NRG1: variants seen among roughly 807,000 people sequenced by gnomAD.
The protein encoded by NRG1 is neuregulin 1.
A neutral mutation model predicts 63.8 loss-of-function variants in NRG1; 18 were observed. The ratio of observed to expected loss-of-function variants is 0.28; its 90% CI spans 0.19 to 0.42. NRG1 has a LOEUF of 0.42. Among genes scored for constraint, NRG1 ranks in the 10% least tolerant of loss-of-function variants. The pLI, the probability that NRG1 is intolerant of heterozygous loss-of-function variation, is 1.00. For synonymous variants in NRG1, 302 were observed against 301.3 expected (o/e 1.00, Z -0.02); for missense variants, 762 against 814.7 (o/e 0.94, Z 0.79).
At chr8:32,384,838 A>T (rs7827584) in intron 1 of NRG1, among the ~76,000 whole-genome samples, 1 of 152,126 alleles carries the variant, frequency 6.6e-6, no homozygotes, top group African/African-American at 2.4e-5. Context: ...TTTCAAAAAG[A>T]TCCTTGATTT....
chr8:31,708,758 T>C (rs1389159778), intron 1 of NRG1, among the ~76,000 whole-genome samples: 2 of 152,326 alleles, frequency 1.3e-5, no homozygotes, highest in Non-Finnish European at 2.9e-5. Context: ...ATAATTGTTT[T>C]TAAAGCCATT....
At chr8:32,026,255 A>G (rs1817359861) in intron 1 of NRG1, 1 of 151,770 alleles carries the variant, frequency 6.6e-6, no homozygotes, top group Non-Finnish European at 1.5e-5. Flanking sequence ...CCAGTTGACT[A>G]CTACCGGTAA....
At chr8:32,294,039 G>A (rs963672063) in intron 1 of NRG1, among the ~76,000 whole-genome samples, 3 of 151,768 alleles carry the variant, frequency 2.0e-5, no homozygotes, top group Admixed American at 1.3e-4. Flanking sequence ...ATTTCTTGAC[G>A]GCCATCCATG....
intron 1 of NRG1, among the ~76,000 whole-genome samples, chr8:31,864,140 G>A (rs1001270224): frequency 1.3e-5 from 2 of 152,156 alleles, no homozygotes; most frequent in African/African-American, 4.8e-5. Flanking sequence ...AGGAAGCTGA[G>A]GACCATAGTG....
At chr8:32,330,524 C>T (rs1264348327) in intron 1 of NRG1, among the ~76,000 whole-genome samples, 1 of 152,166 alleles carries the variant, frequency 6.6e-6, no homozygotes, top group African/African-American at 2.4e-5. Context: ...CCAGAGTCCT[C>T]AGCAGATCCT....
chr8:32,515,628 A>T (rs1829748048), intron 1 of NRG1, among the ~76,000 whole-genome samples: 1 of 152,046 alleles, frequency 6.6e-6, no homozygotes, highest in Admixed American at 6.6e-5. Context: ...AATTGTAGAA[A>T]CAAGGACACA....
chr8:31,706,888 T>A (rs565572840), intron 1 of NRG1, among the ~76,000 whole-genome samples: 35 of 152,306 alleles, frequency 2.3e-4, no homozygotes, highest in African/African-American at 7.9e-4. Flanking sequence ...TTATTGTTGA[T>A]CTTTTTATTA....
chr8:32,049,696 A>G (rs1821664840), intron 1 of NRG1, among the ~76,000 whole-genome samples: 1 of 152,170 alleles, frequency 6.6e-6, no homozygotes, highest in African/African-American at 2.4e-5. Context: ...ATCAGAGGAA[A>G]CAAATTTAAG....
At chr8:32,112,551 T>A (rs16878845) in intron 1 of NRG1, among the ~76,000 whole-genome samples, 5,734 of 152,290 alleles carry the variant, frequency 0.038, 186 homozygotes, top group African/African-American at 0.087. Context: ...AGTGTTTCAT[T>A]CTTGATAGTG....
intron 1 of NRG1, among the ~76,000 whole-genome samples, chr8:32,047,007 A>G (rs949887118): frequency 6.6e-6 from 1 of 152,084 alleles, no homozygotes; most frequent in African/African-American, 2.4e-5. Context: ...CAGGCAATGA[A>G]TGGCTTCCAT....
intron 1 of NRG1, among the ~76,000 whole-genome samples, chr8:32,097,010 C>T (rs561731124): frequency 6.6e-6 from 1 of 152,266 alleles, no homozygotes; most frequent in Admixed American, 6.5e-5. Flanking sequence ...CTCCCTCATC[C>T]TTCCCTGCCT....
chr8:32,117,113 G>T (rs933579386), intron 1 of NRG1, among the ~76,000 whole-genome samples: 2 of 151,916 alleles, frequency 1.3e-5, no homozygotes, highest in African/African-American at 4.8e-5. Flanking sequence ...TTGCACTCCA[G>T]CCTAGGCAAC....
intron 1 of NRG1, among the ~76,000 whole-genome samples, chr8:31,723,118 T>C (rs1389966791): frequency 2.6e-5 from 4 of 152,194 alleles, no homozygotes; most frequent in Non-Finnish European, 4.4e-5. Flanking sequence ...CTTGATCTTA[T>C]AAAATAAATA....
Position 32,533,105 on chromosome 8 carries a change from A to G in NRG1, c.38-62723A>G, listed in dbSNP as rs1396927674. Among the ~76,000 whole-genome samples, 4 of 152,078 alleles carry G rather than the reference A, an allele frequency of 2.6e-5. No homozygotes were observed. In the East Asian group the frequency reaches 7.7e-4, roughly 29 times the overall value. On this transcript the variant is annotated intron_variant, in intron 1 of 10. Coordinates refer to the NRG1 transcript ENST00000519301. The stretch of plus-strand genomic sequence containing the variant: ...TCTTTATCTTTCATAATTACGGTCC[A>G]TAACACTTGGAGTAACAACATGTTT...
In NRG1 at chr8:32,082,093, A is replaced by G. The variant is rs76159902; in HGVS notation, c.37+442662A>G. ...TCAACTAATTAAGATCTTGTTGAAG[A>G]TTCTCAAATTGAGTTTGAGCTTGTT... On this transcript the variant is annotated intron_variant, in intron 1 of 10. Transcript: ENST00000519301. Among the ~76,000 whole-genome samples, 1,237 of 152,238 alleles carry G rather than the reference A, an allele frequency of 8.1e-3. 13 individuals carry two copies. Among genetic ancestry groups the G allele is most frequent in the African/African-American group, 0.026 (1,068 of 41,548 alleles).
chr8:32,236,194 A>G (rs1320679782), intron 1 of NRG1, among the ~76,000 whole-genome samples: 2 of 151,690 alleles, frequency 1.3e-5, no homozygotes, highest in East Asian at 1.9e-4. Context: ...AGTGAATGAC[A>G]TCGTTTTTTG....
At chr8:32,030,962 C>T (rs768666759) in intron 1 of NRG1, among the ~76,000 whole-genome samples, 4 of 152,188 alleles carry the variant, frequency 2.6e-5, no homozygotes, top group African/African-American at 4.8e-5. Context: ...CCCAGGTCAA[C>T]TCATCTGGTA....
rs79702809 is a variant in NRG1 at position 32,335,174 on chromosome 8, C to T, written c.38-260654C>T. Among the ~76,000 whole-genome samples, 294 of 152,288 alleles carry T rather than the reference C, an allele frequency of 1.9e-3. 9 individuals carry two copies. In the East Asian group the frequency reaches 0.056, roughly 29 times the overall value. ...GGAAATGCTCCGTAGATACCTCTGGCTCTAGGCATATAAAACTATTTTCTT... is the reference window on the plus strand; with the variant it reads ...GGAAATGCTCCGTAGATACCTCTGGTTCTAGGCATATAAAACTATTTTCTT... On this transcript the variant is annotated intron_variant, in intron 1 of 10. Coordinates refer to the NRG1 transcript ENST00000519301.
chr8:32,143,435 A>C (rs569057360), intron 1 of NRG1, among the ~76,000 whole-genome samples: 1 of 152,338 alleles, frequency 6.6e-6, no homozygotes, highest in Admixed American at 6.5e-5. Flanking sequence ...GTTCTTCCCC[A>C]GACCATGAGC....
Sources: allele counts gnomAD v4.1 joint callset (sites outside exome capture counted in the v4.1 genomes callset), GRCh38; gene constraint gnomAD v4.1.1; transcripts MANE v1.5; gene names NCBI Gene and HGNC (gene_info 2026-07-23, HGNC 2026-07-21).